KIF21A: variants seen among roughly 807,000 people sequenced by gnomAD.
KIF21A encodes kinesin-like protein KIF21A.
KIF21A carries 114 observed loss-of-function variants against 202.9 expected under a neutral mutation model. The observed-to-expected ratio is 0.56, with a 90% confidence interval of 0.48 to 0.66. The LOEUF (loss-of-function observed/expected upper bound fraction) is 0.66, where lower values mean the gene tolerates loss of function less well. KIF21A is among the 30% of genes least tolerant of loss of function. The pLI is 0.00. For synonymous variants in KIF21A, 667 were observed against 670.8 expected (o/e 0.99, Z 0.09); for missense variants, 1,677 against 1,994.9 (o/e 0.84, Z 3.04).
intron 32 of KIF21A, among the ~76,000 whole-genome samples, chr12:39,310,463 T>C (rs902284472): frequency 2.6e-5 from 4 of 152,068 alleles, no homozygotes; most frequent in African/African-American, 9.7e-5. Context: ...TCTTGGACTA[T>C]CCCTAAATGC....
intron 37 of KIF21A, among the ~76,000 whole-genome samples, chr12:39,295,493 G>A (rs1291540052): frequency 6.6e-6 from 1 of 152,080 alleles, no homozygotes; most frequent in Non-Finnish European, 1.5e-5. Context: ...ATGTAACACA[G>A]CAAAGGCTTT....
At position 39,311,504 on chromosome 12, in the gene KIF21A, G is replaced by A. The variant is rs931031780; in HGVS notation, c.4009C>T (p.Leu1337Phe). The change falls in exon 32 of 38, where the codon CTT (leucine) becomes TTT (phenylalanine). Residue 1337 changes from leucine to phenylalanine, a missense_variant. By Grantham distance (22) the Leu-to-Phe change is conservative. Transcript: ENST00000361418. ...CCTTCAGCTATGTGAATACACTGAAGTGGAAAAGCTCTGATTCCTTTTGAA... is the reference window on the plus strand; with the variant it reads ...CCTTCAGCTATGTGAATACACTGAAATGGAAAAGCTCTGATTCCTTTTGAA... ...PASKGIRAFP[L>F]QCIHIAEGHT... 6.2e-7 allele frequency: 1 copy of A among 1,613,178 alleles called. No homozygotes were observed. The highest frequency in any genetic ancestry group is 1.1e-5 in the South Asian group (1 of 91,074).
At chr12:39,354,162 G>C (rs1948603176) in intron 10 of KIF21A, among the ~76,000 whole-genome samples, 4 of 152,106 alleles carry the variant, frequency 2.6e-5, no homozygotes, top group Non-Finnish European at 5.9e-5. Context: ...TTAAAAAATA[G>C]TAAGTATTCT....
At chr12:39,431,155 G>A (rs1937835654) in intron 1 of KIF21A, among the ~76,000 whole-genome samples, 1 of 152,180 alleles carries the variant, frequency 6.6e-6, no homozygotes, top group East Asian at 1.9e-4. Flanking sequence ...AAACTGGATG[G>A]CATGGAAGTG....
At chr12:39,375,218 CA>C (rs1950196020) in intron 1 of KIF21A, among the ~76,000 whole-genome samples, 1 of 152,046 alleles carries the variant, frequency 6.6e-6, no homozygotes. Flanking sequence ...CTAAATAAAA[CA>C]AAAGTTTTAA....
chr12:39,404,833 A>C (rs1952455845), intron 1 of KIF21A, among the ~76,000 whole-genome samples: 2 of 152,316 alleles, frequency 1.3e-5, no homozygotes, highest in African/African-American at 4.8e-5. Flanking sequence ...TGGCAAATTA[A>C]ATATAAAATT....
intron 18 of KIF21A, 47 bp from the exon 19 acceptor site, chr12:39,333,154 A>G: frequency 1.2e-6 from 2 of 1,606,038 alleles, no homozygotes; most frequent in Admixed American, 1.7e-5. Context: ...CTATAGAAAT[A>G]CATCATTTAT....
In KIF21A at chr12:39,341,192, T is replaced by TGG. The variant is rs1947412099; in HGVS notation, c.1922-99_1922-98insCC. 2.5e-5 allele frequency: 24 copies of TGG among 975,082 alleles called. No individual in the cohort carries two copies. The East Asian group carries it at 6.0e-4, about 24-fold the overall frequency. 60.4% of individuals were successfully genotyped at this position (975,082 alleles called of 1,614,324 possible). On this transcript the variant is annotated intron_variant, in intron 14 of 37. Coordinates refer to ENST00000361418, the MANE Select transcript of KIF21A (RefSeq NM_001173464.2). ...CATAAAAACCATCAACTAGGTATTT[T>TGG]TATTCACTTAGTAGTTATTAGAAAA...
At chr12:39,422,307 G>A (rs1278609996) in intron 1 of KIF21A, among the ~76,000 whole-genome samples, 1 of 152,046 alleles carries the variant, frequency 6.6e-6, no homozygotes, top group East Asian at 1.9e-4. Context: ...ACCCTTGCAA[G>A]TAGTCTTGTG....
intron 11 of KIF21A, among the ~76,000 whole-genome samples, chr12:39,347,352 A>T (rs1947990527): frequency 6.6e-6 from 1 of 151,954 alleles, no homozygotes. Context: ...AATATTCAAT[A>T]TTAAAACTTG....
chr12:39,321,200 T>C (rs1043453391), intron 27 of KIF21A: 2 of 152,172 alleles, frequency 1.3e-5, no homozygotes, highest in Non-Finnish European at 2.9e-5. Context: ...ACTCTCACAA[T>C]GTATAAAGAA....
chr12:39,367,447 C>G (rs555312400), intron 4 of KIF21A, among the ~76,000 whole-genome samples: 1 of 152,314 alleles, frequency 6.6e-6, no homozygotes, highest in African/African-American at 2.4e-5. Flanking sequence ...TTGGTACAAA[C>G]TGAGCAATAA....
At chr12:39,309,891 A>T (rs1313504441) in intron 32 of KIF21A, 125 bp from the exon 33 acceptor site, 1 of 820,200 alleles carries the variant, frequency 1.2e-6, no homozygotes, top group Non-Finnish European at 1.9e-6. Flanking sequence ...TAATTAACAT[A>T]CCACAAGGAT....
chr12:39,309,528 A>C, intron 33 of KIF21A, 58 bp downstream of exon 33: 1 of 1,239,170 alleles, frequency 8.1e-7, no homozygotes, highest in Non-Finnish European at 1.1e-6. Context: ...TATTTGTAAA[A>C]AAAAAAAAAA....
intron 4 of KIF21A, 132 bp downstream of exon 4, chr12:39,367,751 A>C (rs1949693951): frequency 4.2e-6 from 3 of 717,950 alleles, no homozygotes; most frequent in South Asian, 3.6e-5. Flanking sequence ...TGAGGAAAGA[A>C]CACAAGATCT....
chr12:39,341,468 A>C, intron 14 of KIF21A, 37 bp downstream of exon 14: 1 of 1,601,646 alleles, frequency 6.2e-7, no homozygotes, highest in Non-Finnish European at 8.5e-7. Flanking sequence ...ACAACTTCCC[A>C]AAATGAATTT....
At chr12:39,372,760 T>A (rs1220300525) in intron 1 of KIF21A, among the ~76,000 whole-genome samples, 1 of 152,150 alleles carries the variant, frequency 6.6e-6, no homozygotes, top group African/African-American at 2.4e-5. Flanking sequence ...AAATTAATAA[T>A]TTTTTGTTTC....
intron 1 of KIF21A, among the ~76,000 whole-genome samples, chr12:39,429,499 G>A (rs975448452): frequency 6.6e-6 from 1 of 152,070 alleles, no homozygotes; most frequent in East Asian, 1.9e-4. Flanking sequence ...GTAAAAAGGG[G>A]GCCCAAGTGA....
At chr12:39,304,545 A>G (rs1943269033) in intron 35 of KIF21A, among the ~76,000 whole-genome samples, 1 of 152,214 alleles carries the variant, frequency 6.6e-6, no homozygotes, top group Admixed American at 6.5e-5. Context: ...TTTTCGGGAT[A>G]AAAGATCATG....
Sources: allele counts gnomAD v4.1 joint callset (sites outside exome capture counted in the v4.1 genomes callset), GRCh38; gene constraint gnomAD v4.1.1; transcripts MANE v1.5; gene names NCBI Gene and HGNC (gene_info 2026-07-23, HGNC 2026-07-21).